CCDC171: variants seen among roughly 807,000 people sequenced by gnomAD.
CCDC171 encodes the protein coiled-coil domain containing 171.
Under a neutral mutation model 168.2 loss-of-function variants are expected in CCDC171, and 177 were observed. The observed-to-expected ratio is 1.05, with a 90% confidence interval of 0.93 to 1.19. CCDC171 has a LOEUF of 1.19. CCDC171 is among the 50% of genes most tolerant of loss of function. CCDC171 has a pLI of 0.00. For missense variants in CCDC171, 1,991 were observed against 1,539.0 expected, an observed-to-expected ratio of 1.29 and a Z score of -4.91; for synonymous variants, 687 against 540.8, an observed-to-expected ratio of 1.27 and a Z score of -3.75.
At chr9:15,937,968 C>T (rs989495504) in intron 25 of CCDC171, among the ~76,000 whole-genome samples, 5 of 151,678 alleles carry the variant, frequency 3.3e-5, no homozygotes, top group African/African-American at 1.2e-4. Context: ...GTATGTACGT[C>T]TTGAAAGAGA....
At chr9:15,633,295 G>C (rs2045905399) in intron 7 of CCDC171, among the ~76,000 whole-genome samples, 1 of 151,942 alleles carries the variant, frequency 6.6e-6, no homozygotes, top group South Asian at 2.1e-4. Flanking sequence ...CTAATATCCA[G>C]AATCTACAAT....
intron 6 of CCDC171, among the ~76,000 whole-genome samples, chr9:16,033,426 C>A (rs759146448): frequency 6.6e-6 from 1 of 152,146 alleles, no homozygotes; most frequent in African/African-American, 2.4e-5. Flanking sequence ...CTCATAGGAG[C>A]GCAAGCCCTG....
At chr9:15,793,905 G>T (rs1304876206) in intron 21 of CCDC171, among the ~76,000 whole-genome samples, 1 of 151,720 alleles carries the variant, frequency 6.6e-6, no homozygotes, top group Non-Finnish European at 1.5e-5. Context: ...TATACTCTCT[G>T]GGGCATAGAC....
intron 25 of CCDC171, among the ~76,000 whole-genome samples, chr9:15,966,495 G>A (rs1214452499): frequency 2.0e-5 from 3 of 152,170 alleles, no homozygotes; most frequent in Non-Finnish European, 4.4e-5. Flanking sequence ...CACATCAAAC[G>A]AGTAGCCAAG....
chr9:15,824,479 C>T (rs923353481), intron 21 of CCDC171, among the ~76,000 whole-genome samples: 2 of 151,734 alleles, frequency 1.3e-5, no homozygotes, highest in African/African-American at 4.8e-5. Flanking sequence ...CTTTTAGGTC[C>T]CTTTCAACAG....
intron 6 of CCDC171, among the ~76,000 whole-genome samples, chr9:15,603,463 T>G (rs752555493): frequency 9.2e-5 from 14 of 152,184 alleles, no homozygotes; most frequent in Non-Finnish European, 1.5e-4. Flanking sequence ...GTCCATGTGT[T>G]CTCATTGTTC....
At chr9:15,704,513 C>G (rs746732575) in intron 11 of CCDC171, among the ~76,000 whole-genome samples, 17 of 152,180 alleles carry the variant, frequency 1.1e-4, no homozygotes, top group Non-Finnish European at 1.8e-4. Context: ...TATCTAACCT[C>G]TATTTCAGGA....
In CCDC171 at chr9:15,972,042, C is replaced by T. The variant is rs3750401; in HGVS notation, c.*206C>T. 5.0e-4 allele frequency: 258 copies of T among 511,762 alleles called. 1 individual carries two copies. The East Asian group carries it at 7.8e-3, about 16-fold the overall frequency. 31.7% of individuals were successfully genotyped at this position (511,762 alleles called of 1,614,324 possible). On this transcript the variant is annotated 3_prime_UTR_variant, in exon 26 of 26. Coordinates refer to ENST00000380701, the MANE Select transcript of CCDC171 (RefSeq NM_173550.4). ...TTTCTCTCCAAGTTTTATTTGTTAT[C>T]ACAGTTGCTCATTTTTATGTAACAT...
At chr9:15,954,776 T>C (rs1176893058) in intron 25 of CCDC171, among the ~76,000 whole-genome samples, 1 of 152,052 alleles carries the variant, frequency 6.6e-6, no homozygotes, top group Non-Finnish European at 1.5e-5. Context: ...TGTTGTTTGT[T>C]TCTTTCTAGG....
chr9:15,846,643 C>A, intron 21 of CCDC171, 59 bp from the exon 22 acceptor site: 1 of 1,541,586 alleles, frequency 6.5e-7, no homozygotes, highest in African/African-American at 1.4e-5. Context: ...TAGCCTATGG[C>A]ATAAATTGAA....
intron 7 of CCDC171, among the ~76,000 whole-genome samples, chr9:15,647,562 G>T (rs1410588524): frequency 6.6e-6 from 1 of 151,954 alleles, no homozygotes; most frequent in Non-Finnish European, 1.5e-5. Context: ...TGATAAAGGG[G>T]ATATCACCAC....
chr9:15,947,394 A>AT (rs1310895722), intron 25 of CCDC171, among the ~76,000 whole-genome samples: 2 of 151,836 alleles, frequency 1.3e-5, no homozygotes, highest in African/African-American at 4.8e-5. Flanking sequence ...TCACCATTCT[A>AT]TTTTTTCTCT....
At chr9:15,643,317 T>C (rs2046784956) in intron 7 of CCDC171, among the ~76,000 whole-genome samples, 2 of 152,148 alleles carry the variant, frequency 1.3e-5, no homozygotes, top group African/African-American at 2.4e-5. Flanking sequence ...CTTTATACTT[T>C]CTTAAAGAAA....
intron 1 of CCDC171, among the ~76,000 whole-genome samples, chr9:16,050,623 C>CT (rs1046824259): frequency 7.2e-5 from 11 of 152,130 alleles, no homozygotes; most frequent in Non-Finnish European, 1.6e-4. Flanking sequence ...GTTTTATGCA[C>CT]TTTTTTGCAA....
At chr9:15,901,595 T>C (rs1158763902) in intron 24 of CCDC171, among the ~76,000 whole-genome samples, 2 of 152,218 alleles carry the variant, frequency 1.3e-5, no homozygotes, top group Non-Finnish European at 2.9e-5. Flanking sequence ...CTTTGTTGAC[T>C]ATAAATACAT....
chr9:15,904,826 G>T (rs938239197), intron 24 of CCDC171, among the ~76,000 whole-genome samples: 7 of 151,558 alleles, frequency 4.6e-5, no homozygotes, highest in African/African-American at 7.3e-5. Flanking sequence ...GATGGAGGAA[G>T]ATCTACCAAG....
intron 3 of CCDC171, among the ~76,000 whole-genome samples, chr9:15,576,863 A>G (rs2040710956): frequency 1.3e-5 from 2 of 152,176 alleles, no homozygotes. Flanking sequence ...TCTGTGGTGA[A>G]CAGAGCGGTG....
chr9:16,075,580 A>G, the CCDC171 span, among the ~76,000 whole-genome samples: 1 of 152,146 alleles, frequency 6.6e-6, no homozygotes, highest in Non-Finnish European at 1.5e-5. Flanking sequence ...CAATACTAAC[A>G]AAGGAACTCA....
At chr9:15,971,515 A>G in intron 25 of CCDC171, 94 bp from the exon 26 acceptor site, 1 of 708,340 alleles carries the variant, frequency 1.4e-6, no homozygotes, top group Non-Finnish European at 2.4e-6. Context: ...TTATATTATA[A>G]TGATTATTAG....
Sources: allele counts gnomAD v4.1 joint callset (sites outside exome capture counted in the v4.1 genomes callset), GRCh38; gene constraint gnomAD v4.1.1; transcripts MANE v1.5; gene names NCBI Gene and HGNC (gene_info 2026-07-23, HGNC 2026-07-21).